The following GPR137B variants were observed in gnomAD, a reference collection of about 807,000 sequenced individuals.
GPR137B encodes integral membrane protein GPR137B.
A neutral mutation model predicts 42.5 loss-of-function variants in GPR137B; 42 were observed. The observed-to-expected ratio is 0.99, with a 90% CI of 0.77 to 1.28. GPR137B has a LOEUF of 1.28. GPR137B is among the 50% of genes most tolerant of loss of function. The pLI is 0.00. For missense variants in GPR137B, 487 were observed against 493.9 expected, an observed-to-expected ratio of 0.99 and a Z score of 0.13; for synonymous variants, 218 against 209.7, an observed-to-expected ratio of 1.04 and a Z score of -0.34.
At position 236,195,356 on chromosome 1, in the gene GPR137B, A is replaced by C. The variant is rs1298152518; in HGVS notation, c.967-9770A>C. On this transcript the variant is annotated intron_variant, in intron 5 of 6. Coordinates refer to ENST00000366592, the MANE Select transcript of GPR137B (RefSeq NM_003272.4). ...TTAGATCCCACAAATAAGTGAGAAC[A>C]TGCGATGTTTGTCTGTGTCTGGCTT... 4.6e-5 allele frequency among the ~76,000 whole-genome samples: 7 copies of C among 152,166 alleles called. No homozygotes were observed. The South Asian group carries it at 1.2e-3, about 27-fold the overall frequency.
chr1:236,191,914 A>AGC (rs987763330), intron 5 of GPR137B, among the ~76,000 whole-genome samples: 1 of 152,184 alleles, frequency 6.6e-6, no homozygotes, highest in African/African-American at 2.4e-5. Context: ...AGTCTGCTGA[A>AGC]GCTGTGCCCA....
rs77715945 is a variant in GPR137B at position 236,155,648 on chromosome 1, C to G, written c.414+12612C>G. 2.0e-5 allele frequency among the ~76,000 whole-genome samples: 3 copies of G among 151,908 alleles called. No homozygotes were observed. Among genetic ancestry groups the G allele is most frequent in the Non-Finnish European group, 4.4e-5 (3 of 67,998 alleles). ...CTGGGTGGCCAGCCTGTGTTGGCGC[C>G]GTTGGATGGAGTGAAGCTCAGTTTA... On this transcript the variant is annotated intron_variant, in intron 1 of 6. Transcript: ENST00000366592. The surrounding 1 kb of genome is among the most constrained non-coding windows in gnomAD (Gnocchi z 4.6).
chr1:236,187,832 T>C (rs1014884444), intron 5 of GPR137B, among the ~76,000 whole-genome samples: 8 of 152,182 alleles, frequency 5.3e-5, no homozygotes, highest in African/African-American at 1.9e-4. Context: ...TGGTTCCATA[T>C]GAAGTTTAAA....
intron 5 of GPR137B, among the ~76,000 whole-genome samples, chr1:236,190,148 C>CTTTTTTTTTTTTTTTTTTT (rs34520510): frequency 8.4e-6 from 1 of 119,402 alleles, no homozygotes; most frequent in African/African-American, 3.2e-5. Context: ...CCTGCTTCTT[C>CTTTTTTTTTTTTTTTTTTT]TTTTTTTTTT....
At chr1:236,202,637 A>G (rs12081734) in intron 5 of GPR137B, among the ~76,000 whole-genome samples, 28,183 of 151,934 alleles carry the variant, frequency 0.19, 3,020 homozygotes, top group African/African-American at 0.25. Flanking sequence ...GAATAGATGA[A>G]CAGAATCTAG....
intron 1 of GPR137B, among the ~76,000 whole-genome samples, chr1:236,158,553 C>G (rs1662097131): frequency 6.6e-6 from 1 of 152,192 alleles, no homozygotes; most frequent in Admixed American, 6.5e-5. Context: ...AAAGTTTCAA[C>G]CTGCCATGCA....
chr1:236,150,007 G>A lies in GPR137B; in HGVS notation c.414+6971G>A, dbSNP rs573504435. Among the ~76,000 whole-genome samples the A allele has an allele frequency of 6.3e-4, 95 of 151,502 alleles. No individual in the cohort carries two copies. In the South Asian group the frequency reaches 0.011, roughly 17 times the overall value. On this transcript the variant is annotated intron_variant, in intron 1 of 6. Transcript: ENST00000366592. This position sits in a 1 kb window ranked among gnomAD's most constrained non-coding sequence, Gnocchi z 6.2. ...GTGGGGTTTGTGTATGTGTGCCTGT[G>A]TGTGTGCCTGTGTGTGTACCTGTGT...
chr1:236,163,201 G>A (rs746991817), intron 1 of GPR137B, among the ~76,000 whole-genome samples: 22 of 152,162 alleles, frequency 1.4e-4, no homozygotes, highest in Admixed American at 3.3e-4. Context: ...ACTTGCATGG[G>A]CCCTGTAACC....
chr1:236,154,570 C>G (rs1042503461), intron 1 of GPR137B, among the ~76,000 whole-genome samples: 2 of 151,368 alleles, frequency 1.3e-5, no homozygotes, highest in African/African-American at 4.9e-5. Context: ...ATAGCTTCCC[C>G]TCGAGGAGGC....
At chr1:236,151,102 GAGA>G (rs921536254) in intron 1 of GPR137B, among the ~76,000 whole-genome samples, 5 of 152,206 alleles carry the variant, frequency 3.3e-5, no homozygotes, top group African/African-American at 7.2e-5. Flanking sequence ...CGTTTCCAGT[GAGA>G]AGAAGAAAGC....
chr1:236,183,963 C>G (rs964647265), intron 5 of GPR137B, 57 bp downstream of exon 5: 23 of 1,235,874 alleles, frequency 1.9e-5, no homozygotes, highest in Middle Eastern at 1.9e-4. Context: ...ATCATGGAAC[C>G]TGCAATTAGA....
intron 5 of GPR137B, among the ~76,000 whole-genome samples, chr1:236,187,726 A>ACCATG (rs1553365397): frequency 1.4e-4 from 13 of 93,276 alleles, no homozygotes; most frequent in East Asian, 7.1e-4. Flanking sequence ...TGTTTTGGTT[A>ACCATG]CTGTAGCCTT....
rs781511012 is a variant in GPR137B, at chr1:236,142,975, A to C, written c.353A>C (p.Tyr118Ser). Residue 118 changes from tyrosine to serine, a missense_variant, in exon 1 of 7, where the codon TAC (tyrosine) becomes TCC (serine). By Grantham distance (144) the Tyr-to-Ser change is moderately radical. Coordinates refer to ENST00000366592, the MANE Select transcript of GPR137B (RefSeq NM_003272.4). ...SLSPFVFWLLYCFPVCLQFFT... is the reference protein window; with the variant it reads ...SLSPFVFWLLSCFPVCLQFFT... The stretch of plus-strand genomic sequence containing the variant: ...AGCCCCTTCGTCTTCTGGCTGCTCT[A>C]CTGCTTCCCTGTGTGCCTGCAGTTT... The C allele has an allele frequency of 1.9e-6, 3 of 1,613,824 alleles. No homozygotes were observed. Among genetic ancestry groups the C allele is most frequent in the East Asian group, 4.5e-5 (2 of 44,860 alleles).
intron 1 of GPR137B, 41 bp downstream of exon 1, chr1:236,143,077 G>A (rs1223453652): frequency 6.5e-7 from 1 of 1,549,070 alleles, no homozygotes. Context: ...CACCTGGCGG[G>A]GTGGTCCCCG....
At chr1:236,172,906 G>A (rs1662584770) in intron 2 of GPR137B, among the ~76,000 whole-genome samples, 1 of 151,006 alleles carries the variant, frequency 6.6e-6, no homozygotes. Context: ...TGCCCAGGCT[G>A]GTCTTGAATT....
intron 2 of GPR137B, among the ~76,000 whole-genome samples, chr1:236,173,244 T>C (rs1209864189): frequency 6.7e-6 from 1 of 148,616 alleles, no homozygotes; most frequent in Non-Finnish European, 1.5e-5. Flanking sequence ...TGAGCTGTGA[T>C]TGCACTCCTG....
chr1:236,207,593 T>C (rs1663700597), intron 6 of GPR137B, among the ~76,000 whole-genome samples: 1 of 152,232 alleles, frequency 6.6e-6, no homozygotes, highest in Non-Finnish European at 1.5e-5. Flanking sequence ...GAATTAACTA[T>C]ATATTAGACA....
At chr1:236,188,898 C>T (rs1239356992) in intron 5 of GPR137B, among the ~76,000 whole-genome samples, 6 of 152,160 alleles carry the variant, frequency 3.9e-5, no homozygotes, top group African/African-American at 9.7e-5. Context: ...AGGAATGGTA[C>T]CAGCTCCTCT....
At chr1:236,166,615 ATTC>A (rs1394500211) in intron 1 of GPR137B, among the ~76,000 whole-genome samples, 3 of 151,590 alleles carry the variant, frequency 2.0e-5, no homozygotes, top group East Asian at 1.9e-4. Context: ...GAACCAAATA[ATTC>A]TTCTAGAAGG....
Sources: gnomAD v4.1 joint callset for allele counts (sites outside exome capture counted in the v4.1 genomes callset) on GRCh38, gnomAD v4.1.1 for gene constraint, Gnocchi (gnomAD v3.1) non-coding constraint, MANE v1.5 for transcripts, NCBI Gene and HGNC (gene_info 2026-07-23, HGNC 2026-07-21) for gene names.